PCDH9: variants seen among roughly 807,000 people sequenced by gnomAD.
PCDH9 encodes the protein protocadherin 9.
In PCDH9, 24 loss-of-function variants were observed where a neutral mutation model predicts 70.6. That is an observed-to-expected ratio of 0.34 (90% CI 0.25 to 0.48). PCDH9 has a LOEUF of 0.48. PCDH9 is among the 20% of genes least tolerant of loss of function. The probability of loss-of-function intolerance (pLI) is 0.99; values close to 1 mark genes in which losing one functional copy is unlikely to be tolerated. For missense variants in PCDH9, 1,281 were observed against 1,503.6 expected (o/e 0.85, Z 2.45); for synonymous variants, 562 against 558.5 (o/e 1.01, Z -0.09).
chr13:66,727,918 T>A (rs2079026718), intron 3 of PCDH9, among the ~76,000 whole-genome samples: 1 of 152,146 alleles, frequency 6.6e-6, no homozygotes, highest in East Asian at 1.9e-4. Flanking sequence ...ACTTCTAAGA[T>A]GTCGTAGTGG....
Position 66,430,654 on chromosome 13 carries a change from C to T in PCDH9, c.3341-125626G>A, listed in dbSNP as rs921465780. 3.9e-5 allele frequency among the ~76,000 whole-genome samples: 6 copies of T among 152,040 alleles called. No homozygotes were observed. In the South Asian group the frequency reaches 1.2e-3, roughly 31 times the overall value. On this transcript the variant is annotated intron_variant, in intron 4 of 4. Coordinates refer to ENST00000377865, the MANE Select transcript of PCDH9 (RefSeq NM_203487.3). ...TTCCTTACCCTGCTTTCTTAACCTG[C>T]TATTCACTCTGGGATAACAGTAAAC...
intron 2 of PCDH9, among the ~76,000 whole-genome samples, chr13:67,059,697 C>T (rs779828979): frequency 6.6e-6 from 1 of 151,444 alleles, no homozygotes; most frequent in South Asian, 2.1e-4. Flanking sequence ...ACAGAGTAAA[C>T]CGTCTTGAAT....
At chr13:66,714,940 G>T (rs938700411) in intron 3 of PCDH9, among the ~76,000 whole-genome samples, 3 of 152,060 alleles carry the variant, frequency 2.0e-5, no homozygotes, top group Non-Finnish European at 4.4e-5. Flanking sequence ...AGAAAAGTAG[G>T]TCAAACACCA....
intron 4 of PCDH9, among the ~76,000 whole-genome samples, chr13:66,460,240 T>G (rs1184817274): frequency 1.3e-5 from 2 of 151,900 alleles, no homozygotes; most frequent in Non-Finnish European, 2.9e-5. Flanking sequence ...ATAGGAGAGA[T>G]AAGGAAGACA....
At chr13:66,698,391 G>A (rs1396399578) in intron 3 of PCDH9, among the ~76,000 whole-genome samples, 1 of 152,070 alleles carries the variant, frequency 6.6e-6, no homozygotes, top group Non-Finnish European at 1.5e-5. Context: ...TCTAAAATAT[G>A]GTTTGAATTT....
rs562280547 is a variant in PCDH9, at chr13:66,955,210, C to T, written c.3037-51605G>A. On this transcript the variant is annotated intron_variant, in intron 2 of 4. Coordinates refer to ENST00000377865, the MANE Select transcript of PCDH9 (RefSeq NM_203487.3). ...CAGAATTAAAGATTCCCTAATAGAGCTTTTCAATCAATATCAATCAATCAA... is the reference window on the plus strand; with the variant it reads ...CAGAATTAAAGATTCCCTAATAGAGTTTTTCAATCAATATCAATCAATCAA... Among the ~76,000 whole-genome samples the T allele has an allele frequency of 1.3e-4, 20 of 152,288 alleles. No homozygotes were observed. The South Asian group carries it at 3.9e-3, about 30-fold the overall frequency.
At chr13:66,864,223 G>A (rs2081532811) in intron 3 of PCDH9, among the ~76,000 whole-genome samples, 1 of 152,044 alleles carries the variant, frequency 6.6e-6, no homozygotes, top group African/African-American at 2.4e-5. Context: ...TAGTTCATAG[G>A]ATTATGAGAA....
intron 4 of PCDH9, among the ~76,000 whole-genome samples, chr13:66,594,780 C>T (rs1482644737): frequency 6.6e-6 from 1 of 151,618 alleles, no homozygotes; most frequent in Non-Finnish European, 1.5e-5. Context: ...CATTAGTTTG[C>T]AGAGGATAAT....
intron 2 of PCDH9, among the ~76,000 whole-genome samples, chr13:67,141,957 T>C (rs981756215): frequency 6.0e-5 from 9 of 150,290 alleles, no homozygotes; most frequent in Non-Finnish European, 1.2e-4. Context: ...TTCTACACCA[T>C]TTATAAATAT....
intron 2 of PCDH9, among the ~76,000 whole-genome samples, chr13:67,082,283 G>C (rs1182272361): frequency 6.6e-6 from 1 of 152,082 alleles, no homozygotes; most frequent in Non-Finnish European, 1.5e-5. Context: ...ACCAACATTT[G>C]ACCCTCTGCT....
At chr13:66,509,133 A>G (rs1343845783) in intron 4 of PCDH9, among the ~76,000 whole-genome samples, 1 of 152,216 alleles carries the variant, frequency 6.6e-6, no homozygotes, top group African/African-American at 2.4e-5. Context: ...ACTTCCCCTC[A>G]GCCCAACTAC....
intron 4 of PCDH9, among the ~76,000 whole-genome samples, chr13:66,439,865 T>A (rs1566326516): frequency 6.6e-6 from 1 of 152,182 alleles, no homozygotes; most frequent in Admixed American, 6.5e-5. Context: ...CCACAGCACC[T>A]TTCTGTTAGA....
At chr13:66,375,732 A>G (rs1439515440) in intron 4 of PCDH9, among the ~76,000 whole-genome samples, 1 of 152,112 alleles carries the variant, frequency 6.6e-6, no homozygotes, top group East Asian at 1.9e-4. Flanking sequence ...ATGAAATATG[A>G]CCTGAATAAG....
intron 2 of PCDH9, among the ~76,000 whole-genome samples, chr13:66,973,444 C>A (rs1229382118): frequency 6.6e-6 from 1 of 151,910 alleles, no homozygotes; most frequent in African/African-American, 2.4e-5. Context: ...CAGAACTCCA[C>A]AGACAGCTAG....
intron 4 of PCDH9, among the ~76,000 whole-genome samples, chr13:66,522,640 A>G (rs1960048667): frequency 6.6e-6 from 1 of 152,058 alleles, no homozygotes; most frequent in South Asian, 2.1e-4. Flanking sequence ...AAGTCCAATG[A>G]CAAGTGTCCT....
At chr13:67,000,259 A>C (rs906814522) in intron 2 of PCDH9, among the ~76,000 whole-genome samples, 7 of 147,364 alleles carry the variant, frequency 4.8e-5, no homozygotes, top group African/African-American at 1.7e-4. Flanking sequence ...GCATATTCTC[A>C]CTCATAGGTG....
intron 2 of PCDH9, among the ~76,000 whole-genome samples, chr13:67,104,552 A>ATT (rs879501757): frequency 3.4e-5 from 5 of 146,296 alleles, no homozygotes; most frequent in Non-Finnish European, 4.5e-5. Flanking sequence ...TTGTTATACA[A>ATT]TTTTTTTTTT....
chr13:67,154,593 A>AAAT (rs2087753441), intron 2 of PCDH9, among the ~76,000 whole-genome samples: 1 of 85,792 alleles, frequency 1.2e-5, no homozygotes, highest in Non-Finnish European at 2.3e-5. Flanking sequence ...AAAAAAAAAA[A>AAAT]AAATATATAT....
intron 2 of PCDH9, among the ~76,000 whole-genome samples, chr13:67,079,204 A>T (rs2085937064): frequency 6.6e-6 from 1 of 152,072 alleles, no homozygotes; most frequent in African/African-American, 2.4e-5. Context: ...GGAATGGAGG[A>T]TTTTTGTAGA....
Sources: gnomAD v4.1 joint callset for allele counts (sites outside exome capture counted in the v4.1 genomes callset) on GRCh38, gnomAD v4.1.1 for gene constraint, MANE v1.5 for transcripts, NCBI Gene and HGNC (gene_info 2026-07-23, HGNC 2026-07-21) for gene names.